The following CASP5 variants were observed in gnomAD, a reference collection of about 807,000 sequenced individuals.
CASP5 encodes caspase-5.
CASP5 carries 42 observed loss-of-function variants against 45.2 expected under a neutral mutation model. The observed-to-expected ratio is 0.93, with a 90% CI of 0.73 to 1.20. CASP5 has a LOEUF of 1.20. CASP5 is among the 50% of genes most tolerant of loss of function. The probability of loss-of-function intolerance (pLI) is 0.00; values close to 1 mark genes in which losing one functional copy is unlikely to be tolerated. For missense variants in CASP5, 512 were observed against 532.2 expected (o/e 0.96, Z 0.37); for synonymous variants, 209 against 186.2 (o/e 1.12, Z -1.00).
At chr11:105,012,268 A>G (rs556179100) in intron 1 of CASP5, among the ~76,000 whole-genome samples, 1 of 151,998 alleles carries the variant, frequency 6.6e-6, no homozygotes, top group South Asian at 2.1e-4. Flanking sequence ...CTGCCACCAT[A>G]TACAAAAATC....
At chr11:105,008,519 G>A (rs3181321) in intron 2 of CASP5, among the ~76,000 whole-genome samples, 8,500 of 152,102 alleles carry the variant, frequency 0.056, 721 homozygotes, top group African/African-American at 0.19. Flanking sequence ...CAGATTATTA[G>A]TAACAGAATC....
At position 105,003,270 on chromosome 11, in the gene CASP5, G is replaced by T; in HGVS notation, c.543+4C>A. The T allele has an allele frequency of 6.7e-7, 1 of 1,502,258 alleles. No homozygotes were observed. The highest frequency in any genetic ancestry group is 9.2e-7 in the Non-Finnish European group (1 of 1,081,504). 93.1% of individuals were successfully genotyped at this position (1,502,258 alleles called of 1,614,324 possible). A position where few individuals can be genotyped will look rare whatever the true frequency, so the allele number is the denominator to read the frequency against. The stretch of plus-strand genomic sequence containing the variant: ...TTCCCCATTTCATACAGAGAGCACA[G>T]CACCTCATCATGATTTTTTTTACAC... On this transcript the variant is annotated splice_donor_region_variant and intron_variant, in intron 4 of 9. Coordinates refer to ENST00000260315, the MANE Select transcript of CASP5 (RefSeq NM_004347.5).
chr11:104,999,071 G>A (rs1449979905), intron 6 of CASP5, 43 bp from the exon 7 acceptor site: 10 of 1,531,912 alleles, frequency 6.5e-6, no homozygotes, highest in Non-Finnish European at 8.8e-6. Flanking sequence ...GTTACTTTAA[G>A]TTCCAGAATA....
In CASP5 at chr11:104,998,914, T is replaced by C; in HGVS notation, c.1067A>G (p.Asp356Gly). 1 of 1,613,854 alleles carries C rather than the reference T, an allele frequency of 6.2e-7. No homozygotes were observed. ...TGTTGAAGAACAGAAAGCAATGAAG[T>C]CCTTCTCCTCGTGGATCTTGCAAAC... The part of the protein sequence containing the change: ...DSVCKIHEEK[D>G]FIAFCSSTPH... The change falls in exon 7 of 10, where the codon GAC becomes GGC. Residue 356 changes from aspartate to glycine, a missense_variant. By Grantham distance (94) the Asp-to-Gly change is moderately conservative (BLOSUM62 -1). Coordinates refer to ENST00000260315, the MANE Select transcript of CASP5 (RefSeq NM_004347.5).
intron 1 of CASP5, among the ~76,000 whole-genome samples, chr11:105,010,368 T>C (rs1862283755): frequency 6.7e-6 from 1 of 149,008 alleles, no homozygotes; most frequent in Non-Finnish European, 1.5e-5. Flanking sequence ...ATTAACAATA[T>C]CAGTAATTAT....
intron 1 of CASP5, among the ~76,000 whole-genome samples, chr11:105,020,621 A>G (rs1489172643): frequency 6.6e-6 from 1 of 151,376 alleles, no homozygotes; most frequent in African/African-American, 2.4e-5. Flanking sequence ...GACCTCTTCA[A>G]GGAGAACTAC....
At chr11:104,996,363 G>A (rs1203860122) in intron 8 of CASP5, among the ~76,000 whole-genome samples, 1 of 152,028 alleles carries the variant, frequency 6.6e-6, no homozygotes, top group East Asian at 1.9e-4. Context: ...TCTTTTCCCA[G>A]GAATACCCTC....
intron 1 of CASP5, among the ~76,000 whole-genome samples, chr11:105,010,061 T>A (rs112087085): frequency 2.0e-5 from 3 of 150,664 alleles, no homozygotes; most frequent in African/African-American, 7.3e-5. Context: ...AAGATCATTA[T>A]CTAGTTTATC....
At chr11:105,004,115 G>T (rs1861887292) in intron 3 of CASP5, among the ~76,000 whole-genome samples, 1 of 152,068 alleles carries the variant, frequency 6.6e-6, no homozygotes, top group Non-Finnish European at 1.5e-5. Context: ...GAAGAAATAA[G>T]CTTCAGTTAT....
chr11:104,994,388 C>T (rs1333469462), intron 9 of CASP5, 41 bp from the exon 10 acceptor site: 1 of 152,222 alleles, frequency 6.6e-6, no homozygotes, highest in Non-Finnish European at 1.5e-5. Flanking sequence ...GATGGTTACC[C>T]CTCACTGCCT....
In CASP5 at chr11:104,997,407, G is replaced by A. The variant is rs1342625173; in HGVS notation, c.1182C>T (p.Cys394=). The A allele has an allele frequency of 1.9e-6, 3 of 1,609,444 alleles. No homozygotes were observed. ...CCTTCCGAAATATTTCCATTAGGTG[G>A]CAGCAGCAAGAATATTTCTGGAAGC... The part of the protein sequence containing the change: ...ITCFQKYSCC[C]HLMEIFRKVQ... The change falls in exon 8 of 10, where the codon TGC becomes TGT. Residue 394 remains cysteine, a synonymous_variant. Transcript: ENST00000260315.
intron 7 of CASP5, among the ~76,000 whole-genome samples, 179 bp from the exon 8 acceptor site, chr11:104,997,671 A>T (rs1357319985): frequency 6.6e-6 from 1 of 152,242 alleles, no homozygotes; most frequent in East Asian, 1.9e-4. Flanking sequence ...TTGAACAAAA[A>T]AGACAGCTTG....
chr11:105,017,712 A>C (rs1197680243), intron 1 of CASP5, among the ~76,000 whole-genome samples: 4 of 150,352 alleles, frequency 2.7e-5, no homozygotes, highest in South Asian at 4.2e-4. Context: ...GGAGAATGGA[A>C]CCAAGTTGGA....
chr11:105,004,032 T>C (rs1861883137), intron 3 of CASP5, among the ~76,000 whole-genome samples: 1 of 152,120 alleles, frequency 6.6e-6, no homozygotes. Flanking sequence ...CAACAAACGT[T>C]TGATAGAATA....
intron 8 of CASP5, among the ~76,000 whole-genome samples, chr11:104,996,974 A>G (rs1444229485): frequency 1.3e-5 from 2 of 152,160 alleles, no homozygotes; most frequent in African/African-American, 4.8e-5. Flanking sequence ...TATTTTCAGT[A>G]TCCATATCTC....
chr11:105,003,704 G>A (rs3181178), intron 3 of CASP5, among the ~76,000 whole-genome samples: 8,514 of 151,904 alleles, frequency 0.056, 715 homozygotes, highest in African/African-American at 0.19. Flanking sequence ...GTGGTTTTAC[G>A]CTAGGGTACT....
intron 5 of CASP5, among the ~76,000 whole-genome samples, chr11:105,001,061 G>T (rs1383957256): frequency 6.6e-6 from 1 of 152,144 alleles, no homozygotes; most frequent in Non-Finnish European, 1.5e-5. Context: ...CATTCCTTCC[G>T]GTAGTGCCGT....
chr11:105,000,888 G>A (rs1861692738), intron 5 of CASP5, among the ~76,000 whole-genome samples: 2 of 151,934 alleles, frequency 1.3e-5, no homozygotes, highest in Admixed American at 1.3e-4. Context: ...CAATCTTCTG[G>A]CCTGACCATA....
chr11:105,010,235 C>T lies in CASP5; in HGVS notation c.8-1255G>A, dbSNP rs559237195. ...TTATTAGAAAGACACATGGAAGTTA[C>T]AAAACAGGACAAAAAGTTACATTTA... On this transcript the variant is annotated intron_variant, in intron 1 of 9. Transcript: ENST00000260315. Among the ~76,000 whole-genome samples the T allele has an allele frequency of 1.8e-4, 27 of 150,784 alleles. No individual in the cohort carries two copies. The East Asian group carries it at 5.3e-3, about 29-fold the overall frequency.
Sources: gnomAD v4.1 joint callset for allele counts (sites outside exome capture counted in the v4.1 genomes callset) on GRCh38, gnomAD v4.1.1 for gene constraint, MANE v1.5 for transcripts, NCBI Gene and HGNC (gene_info 2026-07-23, HGNC 2026-07-21) for gene names.